Variants in SEC23A observed in about 807,000 individuals in gnomAD.
SEC23A encodes protein transport protein Sec23A.
In SEC23A, 56 loss-of-function variants were observed where a neutral mutation model predicts 103.7. That is an observed-to-expected ratio of 0.54 (90% CI 0.44 to 0.67). The LOEUF is 0.67. SEC23A is among the 30% of genes least tolerant of loss of function. The probability of loss-of-function intolerance (pLI) is 0.00; values close to 1 mark genes in which losing one functional copy is unlikely to be tolerated. For synonymous variants in SEC23A, 281 were observed against 293.0 expected (o/e 0.96, Z 0.42); for missense variants, 784 against 936.4 (o/e 0.84, Z 2.12).
intron 2 of SEC23A, chr14:39,094,814 A>G (rs1313625679): frequency 1.1e-5 from 6 of 560,220 alleles, no homozygotes; most frequent in South Asian, 2.4e-5. Flanking sequence ...AACAGGGTTA[A>G]GGTATTATGT....
At chr14:39,045,461 C>T (rs955067759) in intron 15 of SEC23A, 137 bp from the exon 16 acceptor site, 4 of 546,100 alleles carry the variant, frequency 7.3e-6, no homozygotes, top group African/African-American at 5.8e-5. Flanking sequence ...TAATTTATAT[C>T]CCTCAGGAAA....
At chr14:39,083,575 T>TTTTTTTTTG (rs1887311218) in intron 7 of SEC23A, among the ~76,000 whole-genome samples, 1 of 125,010 alleles carries the variant, frequency 8.0e-6, no homozygotes, top group African/African-American at 3.1e-5. Flanking sequence ...TTTTTTTTTT[T>TTTTTTTTTG]TTTTTGAGAT....
intron 14 of SEC23A, among the ~76,000 whole-genome samples, chr14:39,052,704 C>T (rs1220245487): frequency 1.3e-5 from 2 of 152,092 alleles, no homozygotes; most frequent in Non-Finnish European, 2.9e-5. Context: ...GAGACAAAGT[C>T]ACAATTAGTG....
intron 16 of SEC23A, among the ~76,000 whole-genome samples, chr14:39,044,022 T>C (rs1352341273): frequency 1.3e-5 from 2 of 152,062 alleles, no homozygotes; most frequent in African/African-American, 4.8e-5. Context: ...ATGGTGGGGG[T>C]GTTTTGGCCG....
intron 7 of SEC23A, among the ~76,000 whole-genome samples, 180 bp from the exon 8 acceptor site, chr14:39,076,273 C>T (rs1887016323): frequency 6.6e-6 from 1 of 151,962 alleles, no homozygotes; most frequent in Admixed American, 6.6e-5. Context: ...TTTTAAAATC[C>T]TATGGTATAT....
At chr14:39,067,666 CTTT>C (rs762046832) in intron 9 of SEC23A, among the ~76,000 whole-genome samples, 29 of 82,126 alleles carry the variant, frequency 3.5e-4, no homozygotes, top group Non-Finnish European at 4.8e-4. Flanking sequence ...CATGCATTCT[CTTT>C]TTTTTTTTTT....
intron 7 of SEC23A, among the ~76,000 whole-genome samples, chr14:39,081,732 T>C (rs572421217): frequency 6.6e-6 from 1 of 152,254 alleles, no homozygotes; most frequent in African/African-American, 2.4e-5. Context: ...TGAACATACC[T>C]GAAAGAAACA....
Position 39,048,451 on chromosome 14 carries a change from CA to C in SEC23A, c.1737+200del, listed in dbSNP as rs56258100. Among the ~76,000 whole-genome samples the C allele has an allele frequency of 0.11, 15,576 of 141,084 alleles. 990 individuals carry two copies. Among genetic ancestry groups the C allele is most frequent in the African/African-American group, 0.2 (7,815 of 38,846 alleles). The allele number at this position is 141,084 out of a possible 152,430, so 92.6% of individuals were successfully genotyped here. On this transcript the variant is annotated intron_variant, in intron 15 of 19. Transcript: ENST00000307712. ...CAACATAGCAGGAAACCATCCCTAC[CA>C]AAAAAAAAAAAATTAGCTCGGCATG...
At chr14:39,098,368 C>T (rs1001731054) in intron 1 of SEC23A, among the ~76,000 whole-genome samples, 1 of 152,088 alleles carries the variant, frequency 6.6e-6, no homozygotes, top group Admixed American at 6.5e-5. Flanking sequence ...CAAACCTCTT[C>T]CACATTTATT....
chr14:39,098,275 G>A (rs575233265), intron 1 of SEC23A, among the ~76,000 whole-genome samples: 32 of 152,104 alleles, frequency 2.1e-4, no homozygotes, highest in Non-Finnish European at 3.4e-4. Context: ...CAACCAGGAC[G>A]TGGGGGTGAG....
chr14:39,082,279 C>T (rs928252307), intron 7 of SEC23A, among the ~76,000 whole-genome samples: 1 of 150,682 alleles, frequency 6.6e-6, no homozygotes, highest in African/African-American at 2.4e-5. Context: ...TATATAAATA[C>T]GTAAATGGGA....
chr14:39,080,405 G>A (rs565044165), intron 7 of SEC23A, among the ~76,000 whole-genome samples: 4 of 152,146 alleles, frequency 2.6e-5, no homozygotes, highest in African/African-American at 7.2e-5. Flanking sequence ...TATATATAAC[G>A]GCAGTTGTTT....
intron 19 of SEC23A, among the ~76,000 whole-genome samples, chr14:39,034,550 T>C (rs1424493714): frequency 6.6e-6 from 1 of 152,226 alleles, no homozygotes; most frequent in South Asian, 2.1e-4. Flanking sequence ...TGGCTCTTAC[T>C]TTTTTCTTCC....
At chr14:39,100,109 ACT>A (rs1212157318) in intron 1 of SEC23A, among the ~76,000 whole-genome samples, 1 of 152,042 alleles carries the variant, frequency 6.6e-6, no homozygotes, top group African/African-American at 2.4e-5. Context: ...TCTGGGCACA[ACT>A]CTCTTCTCTT....
At chr14:39,071,755 T>A (rs1334492479) in intron 9 of SEC23A, among the ~76,000 whole-genome samples, 1 of 148,892 alleles carries the variant, frequency 6.7e-6, no homozygotes, top group Admixed American at 6.8e-5. Context: ...TAGTCCCAGC[T>A]ACTTGGGCTG....
At chr14:39,056,263 C>T (rs957918541) in intron 13 of SEC23A, among the ~76,000 whole-genome samples, 6 of 152,126 alleles carry the variant, frequency 3.9e-5, no homozygotes, top group Admixed American at 3.9e-4. Context: ...TCAATAAAAT[C>T]CTCCTGTTCT....
intron 10 of SEC23A, among the ~76,000 whole-genome samples, chr14:39,065,852 G>T (rs1886641835): frequency 1.3e-5 from 2 of 151,824 alleles, no homozygotes; most frequent in South Asian, 4.2e-4. Flanking sequence ...CACAAAATTA[G>T]CTGGGCATGG....
chr14:39,100,068 T>C lies in SEC23A; in HGVS notation c.-22+2964A>G, dbSNP rs527260225. 5.3e-5 allele frequency among the ~76,000 whole-genome samples: 8 copies of C among 152,326 alleles called. No individual in the cohort carries two copies. The East Asian group carries it at 1.3e-3, about 26-fold the overall frequency. On this transcript the variant is annotated intron_variant, in intron 1 of 19. Coordinates refer to ENST00000307712, the MANE Select transcript of SEC23A (RefSeq NM_006364.4). ...TGTATCTCTACATTCTTACTTCTTA[T>C]TAAGACATACTAAATATCACCTGAG...
At chr14:39,089,313 A>C (rs975412015) in intron 5 of SEC23A, among the ~76,000 whole-genome samples, 5 of 152,210 alleles carry the variant, frequency 3.3e-5, no homozygotes, top group Non-Finnish European at 7.3e-5. Context: ...GCAAATGCTT[A>C]AATGTACAAT....
Sources: gnomAD v4.1 joint callset for allele counts (sites outside exome capture counted in the v4.1 genomes callset) on GRCh38, gnomAD v4.1.1 for gene constraint, MANE v1.5 for transcripts, NCBI Gene and HGNC (gene_info 2026-07-23, HGNC 2026-07-21) for gene names.